Variants in SYNE2 observed in about 807,000 individuals in gnomAD.
The protein encoded by SYNE2 is nesprin-2.
A neutral mutation model predicts 856.3 loss-of-function variants in SYNE2; 431 were observed. The ratio of observed to expected loss-of-function variants is 0.50; its 90% CI spans 0.47 to 0.55. SYNE2 has a LOEUF of 0.55. SYNE2 is among the 20% of genes least tolerant of loss of function. The probability of loss-of-function intolerance (pLI) is 0.00; values close to 1 mark genes in which losing one functional copy is unlikely to be tolerated. For missense variants in SYNE2, 8,129 were observed against 8,023.2 expected, an observed-to-expected ratio of 1.01 and a Z score of -0.50; for synonymous variants, 2,923 against 2,872.3, an observed-to-expected ratio of 1.02 and a Z score of -0.56.
At chr14:63,978,142 A>G in intron 13 of SYNE2, 125 bp downstream of exon 13, 1 of 732,062 alleles carries the variant, frequency 1.4e-6, no homozygotes, top group Non-Finnish European at 2.5e-6. Flanking sequence ...TTAAATCTTG[A>G]TAACAGTATC....
Position 64,143,757 on chromosome 14 carries a change from CTT to C in SYNE2, c.15307-13_15307-12del, listed in dbSNP as rs1164498422. Reference sequence around the variant, plus strand: ...CATTCATGACTGCTTTGGTGTTTAACTTTGCTTATTTTAGGAGTTTAGAATGG... The same window carrying C: ...CATTCATGACTGCTTTGGTGTTTAACTGCTTATTTTAGGAGTTTAGAATGG... On this transcript the variant is annotated splice_polypyrimidine_tract_variant and intron_variant, in intron 82 of 115. Transcript: ENST00000555002. 2 of 1,613,898 alleles carry C rather than the reference CTT, an allele frequency of 1.2e-6. No individual in the cohort carries two copies. The highest frequency in any genetic ancestry group is 1.7e-6 in the Non-Finnish European group (2 of 1,179,936).
At chr14:64,005,384 A>G (rs2096788459) in intron 30 of SYNE2, among the ~76,000 whole-genome samples, 1 of 152,190 alleles carries the variant, frequency 6.6e-6, no homozygotes, top group African/African-American at 2.4e-5. Context: ...GATTCTGTAT[A>G]TAGTTTGAAG....
intron 51 of SYNE2, among the ~76,000 whole-genome samples, chr14:64,067,435 C>T (rs904318131): frequency 1.3e-5 from 2 of 152,180 alleles, no homozygotes; most frequent in African/African-American, 4.8e-5. Context: ...AATCTGTCAA[C>T]TTACATGATA....
At chr14:63,795,012 C>T (rs555251153) in intron 1 of SYNE2, among the ~76,000 whole-genome samples, 1 of 152,244 alleles carries the variant, frequency 6.6e-6, no homozygotes, top group East Asian at 1.9e-4. Context: ...CTCAGGTGAT[C>T]CTCCTACCTC....
chr14:63,904,894 G>A (rs532491352), intron 1 of SYNE2, among the ~76,000 whole-genome samples: 72 of 152,258 alleles, frequency 4.7e-4, no homozygotes, highest in Non-Finnish European at 8.8e-4. Context: ...CTTATGTTGA[G>A]AAGGGTATTT....
chr14:64,094,270 C>T (rs780385790), intron 61 of SYNE2, among the ~76,000 whole-genome samples: 1 of 151,588 alleles, frequency 6.6e-6, no homozygotes, highest in Admixed American at 6.6e-5. Flanking sequence ...GGAGGCAGAG[C>T]TTGCAGTGAG....
chr14:64,092,420 A>G (rs1236815404), intron 60 of SYNE2, among the ~76,000 whole-genome samples: 2 of 152,222 alleles, frequency 1.3e-5, no homozygotes, highest in Non-Finnish European at 2.9e-5. Flanking sequence ...TATTGTAAGT[A>G]CCCTCGTTGT....
At position 64,208,819 on chromosome 14, in the gene SYNE2, A is replaced by G. The variant is rs766102513; in HGVS notation, c.18263A>G (p.Asp6088Gly). The G allele has an allele frequency of 2.5e-6, 4 of 1,614,122 alleles. No homozygotes were observed. The highest frequency in any genetic ancestry group is 3.4e-6 in the Non-Finnish European group (4 of 1,180,056). ...AGVESVFNIC[D>G]VLLHDSDACA... ...GTGGAGTCCGTGTTTAACATCTGTG[A>G]CGTCCTACTGCACGACTCCGATGCC... Residue 6088 changes from aspartate to glycine, a missense_variant, in exon 101 of 116, where the codon GAC becomes GGC. Asp to Gly is a moderately conservative substitution (Grantham distance 94, BLOSUM62 -1). Transcript: ENST00000555002.
chr14:63,972,811 T>C (rs2096490010), intron 11 of SYNE2, among the ~76,000 whole-genome samples: 1 of 152,208 alleles, frequency 6.6e-6, no homozygotes. Flanking sequence ...GCAGCTGTCT[T>C]TTGGTTGTGC....
chr14:63,896,183 A>C (rs1676444238), intron 1 of SYNE2, among the ~76,000 whole-genome samples: 1 of 152,246 alleles, frequency 6.6e-6, no homozygotes, highest in Non-Finnish European at 1.5e-5. Context: ...CTAGGATCAC[A>C]GTTTTTCTTG....
At chr14:64,162,572 A>C in intron 88 of SYNE2, 1 of 435,070 alleles carries the variant, frequency 2.3e-6, no homozygotes, top group Non-Finnish European at 4.3e-6. Context: ...TCTGAAGTAA[A>C]AGCAAGTGTC....
intron 1 of SYNE2, among the ~76,000 whole-genome samples, chr14:63,768,365 T>C (rs1017157876): frequency 4.6e-5 from 7 of 152,210 alleles, no homozygotes. Flanking sequence ...TAAGCCTTCA[T>C]GTTGTAAACC....
chr14:64,224,592 T>G (rs1040587105), intron 114 of SYNE2, 45 bp downstream of exon 114: 3 of 1,605,646 alleles, frequency 1.9e-6, no homozygotes, highest in Non-Finnish European at 1.7e-6. Context: ...GGTTATTTTT[T>G]AAAGTCACTA....
At chr14:63,829,066 T>A (rs2139889440) in intron 1 of SYNE2, among the ~76,000 whole-genome samples, 1 of 152,168 alleles carries the variant, frequency 6.6e-6, no homozygotes, top group East Asian at 1.9e-4. Context: ...TGTGTAGAAA[T>A]TAGAACCCTC....
chr14:64,067,421 CATT>C (rs925894731), intron 51 of SYNE2, among the ~76,000 whole-genome samples: 1 of 152,184 alleles, frequency 6.6e-6, no homozygotes, highest in African/African-American at 2.4e-5. Context: ...GGTGCTTAGT[CATT>C]AATCTGTCAA....
intron 1 of SYNE2, among the ~76,000 whole-genome samples, chr14:63,838,229 C>A (rs1889927399): frequency 6.6e-6 from 1 of 151,912 alleles, no homozygotes; most frequent in South Asian, 2.1e-4. Flanking sequence ...ATTAGCTGGG[C>A]ATGGTGGCAT....
At chr14:64,203,572 A>G (rs912997501) in intron 100 of SYNE2, among the ~76,000 whole-genome samples, 1 of 152,158 alleles carries the variant, frequency 6.6e-6, no homozygotes, top group Middle Eastern at 3.2e-3. Flanking sequence ...CTTTGATGTC[A>G]CTGGTTTATC....
At position 64,031,204 on chromosome 14, in the gene SYNE2, T is replaced by C. The variant is rs765730136; in HGVS notation, c.7068T>C (p.Cys2356=). 1 of 1,614,122 alleles carries C rather than the reference T, an allele frequency of 6.2e-7. No homozygotes were observed. The highest frequency in any genetic ancestry group is 8.5e-7 in the Non-Finnish European group (1 of 1,179,978). ...CTGCTAAGCAGGAGATGGAATGTTG[T>C]CTCAACAGCATTCTCAAATCAAAAC... The part of the protein sequence containing the change: ...LASAKQEMEC[C]LNSILKSKRS... Residue 2356 remains cysteine (C), a synonymous_variant, in exon 45 of 116, where the codon TGT becomes TGC. Coordinates refer to ENST00000555002, the MANE Select transcript of SYNE2 (RefSeq NM_182914.3).
chr14:63,763,807 A>G lies in SYNE2; in HGVS notation c.-305+1821A>G, dbSNP rs78537886. Reference sequence around the variant, plus strand: ...TGCCTCCCCAGTAGCTGGAACCACAAGAGCGCATGCCCTCATGCCCAGCTA... The same window carrying G: ...TGCCTCCCCAGTAGCTGGAACCACAGGAGCGCATGCCCTCATGCCCAGCTA... On this transcript the variant is annotated intron_variant, in intron 1 of 23. Coordinates refer to the SYNE2 transcript ENST00000674003. Among the ~76,000 whole-genome samples the G allele has an allele frequency of 4.6e-3, 701 of 152,238 alleles. 7 individuals carry two copies. Among genetic ancestry groups the G allele is most frequent in the African/African-American group, 0.016 (656 of 41,542 alleles).
Sources: gnomAD v4.1 joint callset for allele counts (sites outside exome capture counted in the v4.1 genomes callset) on GRCh38, gnomAD v4.1.1 for gene constraint, MANE v1.5 for transcripts, NCBI Gene and HGNC (gene_info 2026-07-23, HGNC 2026-07-21) for gene names.